SLC22A7: variants seen among roughly 807,000 people sequenced by gnomAD.
The protein encoded by SLC22A7 is solute carrier family 22 member 7, also known as hOAT2.
Under a neutral mutation model 62.2 loss-of-function variants are expected in SLC22A7, and 48 were observed. The ratio of observed to expected loss-of-function variants is 0.77; its 90% CI spans 0.61 to 0.98. SLC22A7 has a LOEUF of 0.98. Among genes scored for constraint, SLC22A7 ranks in the 50% least tolerant of loss-of-function variants. The pLI, the probability that SLC22A7 is intolerant of heterozygous loss-of-function variation, is 0.00. For missense variants in SLC22A7, 581 were observed against 703.8 expected (o/e 0.83, Z 1.97); for synonymous variants, 276 against 314.8 (o/e 0.88, Z 1.30).
At position 43,299,430 on chromosome 6, in the gene SLC22A7, C is replaced by T. The variant is rs370777342; in HGVS notation, c.440C>T (p.Ala147Val). The change falls in exon 3 of 11, where the codon GCG (alanine) becomes GTG (valine). Residue 147 changes from alanine to valine, a missense_variant. Coordinates refer to ENST00000372585, the MANE Select transcript of SLC22A7 (RefSeq NM_153320.2). The surrounding 1 kb of genome is among the most constrained non-coding windows in gnomAD (Gnocchi z 4.4). ...VCEQKGLNRA[A>V]STFFFAGVLV... is the part of the protein sequence containing the mutation. ...GAGCAGAAAGGTCTGAACAGAGCTG[C>T]GTCCACTTTCTTCTTCGCCGGTGTG... The T allele has an allele frequency of 1.1e-5, 17 of 1,614,010 alleles. No homozygotes were observed. Among genetic ancestry groups the T allele is most frequent in the Non-Finnish European group, 1.2e-5 (14 of 1,180,018 alleles).
Position 43,304,045 on chromosome 6 carries a change from G to T in SLC22A7, c.1393G>T (p.Gly465Trp), listed in dbSNP as rs1395584374. ...TCCTCTTTCTCTGAACAGACAGACAGGGATGGGGCTGACTGCACTGGTGGG... is the reference window on the plus strand; with the variant it reads ...TCCTCTTTCTCTGAACAGACAGACATGGATGGGGCTGACTGCACTGGTGGG... ...ELYPTVLRQTGMGLTALVGRL... is the reference protein window; with the variant it reads ...ELYPTVLRQTWMGLTALVGRL... Residue 465 changes from glycine (G) to tryptophan (W), a missense_variant, in exon 10 of 11, where the codon GGG becomes TGG. Coordinates refer to ENST00000372585, the MANE Select transcript of SLC22A7 (RefSeq NM_153320.2). The T allele has an allele frequency of 6.4e-7, 1 of 1,550,730 alleles. No homozygotes were observed. Among genetic ancestry groups the T allele is most frequent in the Non-Finnish European group, 8.7e-7 (1 of 1,145,326 alleles).
intron 10 of SLC22A7, 43 bp from the exon 11 acceptor site, chr6:43,304,628 G>A (rs889777969): frequency 3.2e-5 from 50 of 1,578,810 alleles, no homozygotes; most frequent in Non-Finnish European, 3.9e-5. Context: ...TGGTAGGCTC[G>A]GGGATTAAAC....
Position 43,301,270 on chromosome 6 carries a change from CGT to C in SLC22A7, c.951+20_951+21del. ...GCTTCAGCCAGGAGGTGAGGGTGAA[CGT>C]GTGTGTGAGCATGCATATATGTGTG... is the stretch of plus-strand genomic sequence containing the variant. On this transcript the variant is annotated intron_variant, in intron 6 of 10. Transcript: ENST00000372585. 6.2e-7 allele frequency: 1 copy of C among 1,613,868 alleles called. No homozygotes were observed. The highest frequency in any genetic ancestry group is 8.5e-7 in the Non-Finnish European group (1 of 1,179,954).
Position 43,305,210 on chromosome 6 carries a change from C to T in SLC22A7, c.*485C>T, listed in dbSNP as rs1352499920. 6.1e-6 allele frequency: 1 copy of T among 163,260 alleles called. No homozygotes were observed. The highest frequency in any genetic ancestry group is 1.9e-4 in the East Asian group (1 of 5,342). 10.1% of individuals were successfully genotyped at this position (163,260 alleles called of 1,614,324 possible). A position where few individuals can be genotyped will look rare whatever the true frequency, so the allele number is the denominator to read the frequency against. ...AAATGAGTTACTGAATAAGGTGCTTCTGCTTCTTCTAGAGATGGTGCTAAA... is the reference window on the plus strand; with the variant it reads ...AAATGAGTTACTGAATAAGGTGCTTTTGCTTCTTCTAGAGATGGTGCTAAA... On this transcript the variant is annotated 3_prime_UTR_variant, in exon 11 of 11. Coordinates refer to ENST00000372585, the MANE Select transcript of SLC22A7 (RefSeq NM_153320.2).
At position 43,304,801 on chromosome 6, in the gene SLC22A7, C is replaced by A; in HGVS notation, c.*76C>A. The A allele has an allele frequency of 8.0e-7, 1 of 1,245,608 alleles. No individual in the cohort carries two copies. Among genetic ancestry groups the A allele is most frequent in the Non-Finnish European group, 1.1e-6 (1 of 900,302 alleles). 77.2% of individuals were successfully genotyped at this position (1,245,608 alleles called of 1,614,324 possible). A position where few individuals can be genotyped will look rare whatever the true frequency, so the allele number is the denominator to read the frequency against. ...GAGCAGAAGGGCAGGCCCTGCAACT[C>A]AGGCTGGGAGTATCGAACCCTCTGC... On this transcript the variant is annotated 3_prime_UTR_variant, in exon 11 of 11. Transcript: ENST00000372585.
rs755447008 is a variant in SLC22A7, at chr6:43,298,515, G to C, written c.157G>C (p.Gly53Arg). The change falls in exon 1 of 11, where the codon GGT becomes CGT. Residue 53 changes from glycine to arginine, a missense_variant. Coordinates refer to ENST00000372585, the MANE Select transcript of SLC22A7 (RefSeq NM_153320.2). ...AVPAHRCALP[G>R]APANFSHQDV... ...GCCTGCCCACCGATGTGCCCTGCCG[G>C]GTGCCCCTGCCAACTTCAGCCATCA... 1 of 1,613,510 alleles carries C rather than the reference G, an allele frequency of 6.2e-7. No individual in the cohort carries two copies. Among genetic ancestry groups the C allele is most frequent in the Non-Finnish European group, 8.5e-7 (1 of 1,180,004 alleles).
intron 7 of SLC22A7, 84 bp downstream of exon 7, chr6:43,301,776 C>G: frequency 3.2e-6 from 3 of 951,926 alleles, no homozygotes; most frequent in Non-Finnish European, 4.8e-6. Flanking sequence ...GAGAAGGGCT[C>G]TGAGGGACAA....
At chr6:43,304,459 AATAC>A (rs1352450120) in intron 10 of SLC22A7, 1 of 589,322 alleles carries the variant, frequency 1.7e-6, no homozygotes, top group Admixed American at 3.4e-5. Flanking sequence ...TATGAACACA[AATAC>A]ATAAGGTTGT....
At chr6:43,300,120 T>C in intron 5 of SLC22A7, 54 bp downstream of exon 5, 2 of 1,569,718 alleles carry the variant, frequency 1.3e-6, no homozygotes, top group Non-Finnish European at 8.7e-7. Context: ...AAAGATGAGA[T>C]TAATCAGAGC....
At position 43,299,167 on chromosome 6, in the gene SLC22A7, C is replaced by G; in HGVS notation, c.399+70C>G. 4 of 1,614,062 alleles carry G rather than the reference C, an allele frequency of 2.5e-6. No homozygotes were observed. Among genetic ancestry groups the G allele is most frequent in the Non-Finnish European group, 2.5e-6 (3 of 1,179,988 alleles). Reference sequence around the variant, plus strand: ...GCAGTCTCCCTGGGAGGCAGCAGGTCGAGGCCTTCCTTGGGAAGAAGCTGA... The same window carrying G: ...GCAGTCTCCCTGGGAGGCAGCAGGTGGAGGCCTTCCTTGGGAAGAAGCTGA... On this transcript the variant is annotated intron_variant, in intron 2 of 10. Transcript: ENST00000372585. This position sits in a 1 kb window ranked among gnomAD's most constrained non-coding sequence, Gnocchi z 4.4.
chr6:43,302,438 G>T lies in SLC22A7; in HGVS notation c.1276+24G>T. 6.6e-7 allele frequency: 1 copy of T among 1,517,624 alleles called. No homozygotes were observed. Among genetic ancestry groups the T allele is most frequent in the Non-Finnish European group, 8.9e-7 (1 of 1,129,756 alleles). The allele number at this position is 1,517,624 out of a possible 1,614,324, so 94.0% of individuals were successfully genotyped here. On this transcript the variant is annotated intron_variant, in intron 8 of 10. Transcript: ENST00000372585. This position sits in a 1 kb window ranked among gnomAD's most constrained non-coding sequence, Gnocchi z 5.0. The stretch of plus-strand genomic sequence containing the variant: ...CGGTGAGCCCAGTCCCATAGGTTCT[G>T]CCCACCCCAGAAGCCGGGCCAGGAA...
chr6:43,297,609 C>T (rs980440849), upstream of SLC22A7, among the ~76,000 whole-genome samples: 1 of 152,158 alleles, frequency 6.6e-6, no homozygotes, highest in Non-Finnish European at 1.5e-5. Context: ...CCCGCCATTC[C>T]CTATCCCTCC....
intron 7 of SLC22A7, among the ~76,000 whole-genome samples, 183 bp downstream of exon 7, chr6:43,301,875 C>T (rs936080292): frequency 6.6e-6 from 1 of 152,162 alleles, no homozygotes; most frequent in East Asian, 1.9e-4. Context: ...AGCAGAGACA[C>T]ATGGGTTCAA....
upstream of SLC22A7, among the ~76,000 whole-genome samples, chr6:43,296,646 C>T (rs1444036484): frequency 6.6e-6 from 1 of 152,142 alleles, no homozygotes; most frequent in East Asian, 1.9e-4. Flanking sequence ...GAGGAAGCCA[C>T]ATTGTCCAAG....
rs145404791 is a variant in SLC22A7 at position 43,302,734 on chromosome 6, C to T, written c.1356C>T (p.Phe452=). Residue 452 remains phenylalanine, a synonymous_variant, in exon 9 of 11, where the codon TTC becomes TTT. Coordinates refer to ENST00000372585, the MANE Select transcript of SLC22A7 (RefSeq NM_153320.2). This position sits in a 1 kb window ranked among gnomAD's most constrained non-coding sequence, Gnocchi z 5.0. The part of the protein sequence containing the change: ...SEAAFTTAYL[F]TSELYPTVLR... ...CTGCCTTCACCACTGCCTACCTGTTCACTTCAGAGTTGTACCCTACGGTGC... is the reference window on the plus strand; with the variant it reads ...CTGCCTTCACCACTGCCTACCTGTTTACTTCAGAGTTGTACCCTACGGTGC... 3 of 1,609,632 alleles carry T rather than the reference C, an allele frequency of 1.9e-6. No homozygotes were observed. Among genetic ancestry groups the T allele is most frequent in the Middle Eastern group, 1.6e-4 (1 of 6,062 alleles).
At position 43,299,962 on chromosome 6, in the gene SLC22A7, AG is replaced by A; in HGVS notation, c.728del (p.Gly243AlafsTer2). 7 of 1,614,124 alleles carry A rather than the reference AG, an allele frequency of 4.3e-6. No individual in the cohort carries two copies. The highest frequency in any genetic ancestry group is 5.1e-6 in the Non-Finnish European group (6 of 1,179,994). ...GAGTCCTGAGCAGCACCTTCTGGAC[AG>A]GGGGCGTGATGCTGCTGGCACTGGT... ...AGVLSSTFWT[G>X]GVMLLALVGY... is the part of the protein sequence containing the mutation. On this transcript the variant is annotated frameshift_variant, in exon 5 of 11. Transcript: ENST00000372585. LOFTEE classifies it high-confidence loss of function. The surrounding 1 kb of genome is among the most constrained non-coding windows in gnomAD (Gnocchi z 4.4).
chr6:43,303,439 G>A (rs1778825982), intron 9 of SLC22A7, among the ~76,000 whole-genome samples: 1 of 151,920 alleles, frequency 6.6e-6, no homozygotes, highest in Admixed American at 6.6e-5. Flanking sequence ...CAGCCTGGGC[G>A]AGAAACTCTG....
At chr6:43,303,586 G>A (rs867272020) in intron 9 of SLC22A7, among the ~76,000 whole-genome samples, 8 of 152,116 alleles carry the variant, frequency 5.3e-5, no homozygotes, top group Non-Finnish European at 1.2e-4. Flanking sequence ...CTTGAGGACT[G>A]TCCCAAGAGC....
chr6:43,304,546 T>TCA (rs1778874043), intron 10 of SLC22A7, 125 bp from the exon 11 acceptor site: 1 of 761,592 alleles, frequency 1.3e-6, no homozygotes, highest in African/African-American at 1.8e-5. Context: ...TGTGTGTGAG[T>TCA]CACTTGTACA....
Sources: gnomAD v4.1 joint callset for allele counts (sites outside exome capture counted in the v4.1 genomes callset) on GRCh38, gnomAD v4.1.1 for gene constraint, Gnocchi (gnomAD v3.1) non-coding constraint, MANE v1.5 for transcripts, NCBI Gene and HGNC (gene_info 2026-07-23, HGNC 2026-07-21) for gene names.